SPATA17: variants seen among roughly 807,000 people sequenced by gnomAD.
The protein encoded by SPATA17 is spermatogenesis-associated protein 17.
SPATA17 carries 53 observed loss-of-function variants against 62.2 expected under a neutral mutation model. The ratio of observed to expected loss-of-function variants is 0.85; its 90% confidence interval spans 0.68 to 1.07. SPATA17 has a LOEUF of 1.07. SPATA17 is among the 50% of genes least tolerant of loss of function. The pLI, the probability that SPATA17 is intolerant of heterozygous loss-of-function variation, is 0.00. For synonymous variants in SPATA17, 146 were observed against 146.8 expected, an observed-to-expected ratio of 0.99 and a Z score of 0.04; for missense variants, 466 against 425.5, an observed-to-expected ratio of 1.10 and a Z score of -0.84.
Position 217,696,826 on chromosome 1 carries a change from T to C in SPATA17, c.395+13465T>C, listed in dbSNP as rs550092317. Among the ~76,000 whole-genome samples the C allele has an allele frequency of 2.6e-5, 4 of 152,280 alleles. No individual in the cohort carries two copies. In the South Asian group the frequency reaches 8.3e-4, roughly 32 times the overall value. On this transcript the variant is annotated intron_variant, in intron 5 of 10. Transcript: ENST00000366933. ...TGTCTATCTTCCTTAAGCTATGAGATGCTACTGATCTAGAACCACTCTAGT... is the reference window on the plus strand; with the variant it reads ...TGTCTATCTTCCTTAAGCTATGAGACGCTACTGATCTAGAACCACTCTAGT...
intron 2 of SPATA17, among the ~76,000 whole-genome samples, chr1:217,649,934 CTTTTTTTT>C (rs771612819): frequency 8.3e-6 from 1 of 120,462 alleles, no homozygotes; most frequent in Admixed American, 8.9e-5. Context: ...AGGCTTCTCT[CTTTTTTTT>C]TTTTTTTTTT....
chr1:217,646,626 G>A (rs1415418926), intron 1 of SPATA17, among the ~76,000 whole-genome samples: 2 of 152,050 alleles, frequency 1.3e-5, no homozygotes, highest in African/African-American at 4.8e-5. Context: ...GCTGAGCACG[G>A]TGGCTCACAA....
intron 5 of SPATA17, among the ~76,000 whole-genome samples, chr1:217,731,381 G>T (rs1466472811): frequency 2.0e-5 from 3 of 151,736 alleles, no homozygotes; most frequent in Non-Finnish European, 2.9e-5. Context: ...CTCAAGCTGA[G>T]CATGTTTAGA....
intron 3 of SPATA17, among the ~76,000 whole-genome samples, chr1:217,655,008 C>G (rs1425117345): frequency 6.6e-6 from 1 of 152,160 alleles, no homozygotes; most frequent in Admixed American, 6.5e-5. Flanking sequence ...CCGCACCCAG[C>G]CCTACATAAT....
chr1:217,739,320 G>C (rs368688073), intron 5 of SPATA17, among the ~76,000 whole-genome samples: 1 of 152,078 alleles, frequency 6.6e-6, no homozygotes, highest in Non-Finnish European at 1.5e-5. Flanking sequence ...TGACAGCCTG[G>C]TCTGGAGTTA....
intron 3 of SPATA17, among the ~76,000 whole-genome samples, chr1:217,661,706 G>A (rs1391117337): frequency 6.6e-6 from 1 of 151,996 alleles, no homozygotes; most frequent in East Asian, 1.9e-4. Flanking sequence ...AGAACTGTTG[G>A]GTCACAACTG....
intron 1 of SPATA17, among the ~76,000 whole-genome samples, chr1:217,643,206 C>A (rs1352484803): frequency 6.6e-6 from 1 of 152,072 alleles, no homozygotes; most frequent in African/African-American, 2.4e-5. Context: ...CAGAGAGAAA[C>A]CTGGCTCCCA....
intron 9 of SPATA17, among the ~76,000 whole-genome samples, chr1:217,848,477 A>C (rs1243449836): frequency 6.6e-6 from 1 of 152,158 alleles, no homozygotes; most frequent in African/African-American, 2.4e-5. Flanking sequence ...TAAATCAATA[A>C]ATGTTCCATG....
At chr1:217,685,108 AAGG>A (rs1158696191) in intron 5 of SPATA17, among the ~76,000 whole-genome samples, 1 of 152,274 alleles carries the variant, frequency 6.6e-6, no homozygotes, top group African/African-American at 2.4e-5. Flanking sequence ...TAGAGTTTGC[AAGG>A]AGAAGAAATA....
chr1:217,637,047 C>T (rs1669958395), intron 1 of SPATA17, among the ~76,000 whole-genome samples: 1 of 152,088 alleles, frequency 6.6e-6, no homozygotes, highest in Admixed American at 6.6e-5. Context: ...TAGAGACATG[C>T]TATATAGACC....
At chr1:217,729,529 A>G (rs938547892) in intron 5 of SPATA17, among the ~76,000 whole-genome samples, 9 of 152,324 alleles carry the variant, frequency 5.9e-5, no homozygotes, top group African/African-American at 1.9e-4. Context: ...AAAGAAAACA[A>G]CATTTCAGTT....
intron 3 of SPATA17, among the ~76,000 whole-genome samples, chr1:217,663,586 A>G (rs1340404722): frequency 2.0e-5 from 3 of 152,204 alleles, no homozygotes; most frequent in Non-Finnish European, 4.4e-5. Flanking sequence ...TGAAATGTCG[A>G]TGGCCCTAAT....
intron 3 of SPATA17, among the ~76,000 whole-genome samples, chr1:217,654,859 C>A (rs898772309): frequency 5.9e-5 from 9 of 151,858 alleles, no homozygotes; most frequent in East Asian, 1.9e-4. Context: ...ACTACAGGCA[C>A]GTGCCACCAC....
At chr1:217,702,732 A>AT (rs1671627842) in intron 5 of SPATA17, among the ~76,000 whole-genome samples, 1 of 151,958 alleles carries the variant, frequency 6.6e-6, no homozygotes. Context: ...ATCCTTTGGC[A>AT]TTTTTTCAGC....
At chr1:217,841,552 A>G (rs576862207) in intron 9 of SPATA17, among the ~76,000 whole-genome samples, 24 of 152,084 alleles carry the variant, frequency 1.6e-4, no homozygotes, top group African/African-American at 5.5e-4. Context: ...CATTTCTTCT[A>G]GAGCCTTACT....
chr1:217,767,394 G>T (rs1425781080), intron 6 of SPATA17, among the ~76,000 whole-genome samples: 1 of 151,296 alleles, frequency 6.6e-6, no homozygotes, highest in Non-Finnish European at 1.5e-5. Flanking sequence ...CTGGGTCTGT[G>T]ATTTGGTGTC....
At chr1:217,683,140 A>G in intron 4 of SPATA17, 118 bp from the exon 5 acceptor site, 1 of 559,932 alleles carries the variant, frequency 1.8e-6, no homozygotes, top group South Asian at 3.5e-5. Flanking sequence ...TTAGTGGAAA[A>G]GCCCAAGACT....
rs185684803 is a variant in SPATA17, at chr1:217,766,082, A to G, written c.520-8252A>G. 2.4e-3 allele frequency among the ~76,000 whole-genome samples: 372 copies of G among 151,984 alleles called. 2 individuals are homozygous for G. Among genetic ancestry groups the G allele is most frequent in the Middle Eastern group, 0.017 (5 of 294 alleles). Reference sequence around the variant, plus strand: ...GAAGTGGGTTTCTTTTAGACTACTTATAATTGGGTCTTCTTTTTTTATCCA... The same window carrying G: ...GAAGTGGGTTTCTTTTAGACTACTTGTAATTGGGTCTTCTTTTTTTATCCA... On this transcript the variant is annotated intron_variant, in intron 6 of 10. Transcript: ENST00000366933.
chr1:217,648,978 T>G lies in SPATA17; in HGVS notation c.158+7T>G. 6.3e-7 allele frequency: 1 copy of G among 1,591,406 alleles called. No homozygotes were observed. The highest frequency in any genetic ancestry group is 8.6e-7 in the Non-Finnish European group (1 of 1,168,516). On this transcript the variant is annotated splice_region_variant and intron_variant, in intron 2 of 10. Coordinates refer to ENST00000366933, the MANE Select transcript of SPATA17 (RefSeq NM_138796.4). Reference sequence around the variant, plus strand: ...AAGTTCGGGCATATATCAGGTATATTGCTTTTGTCATGGAAACCTCAGATA... The same window carrying G: ...AAGTTCGGGCATATATCAGGTATATGGCTTTTGTCATGGAAACCTCAGATA...
Sources: allele counts gnomAD v4.1 joint callset (sites outside exome capture counted in the v4.1 genomes callset), GRCh38; gene constraint gnomAD v4.1.1; transcripts MANE v1.5; gene names NCBI Gene and HGNC (gene_info 2026-07-23, HGNC 2026-07-21).